TMEM178B: variants seen among roughly 807,000 people sequenced by gnomAD.
TMEM178B encodes the protein transmembrane protein 178B.
Under a neutral mutation model 31.0 loss-of-function variants are expected in TMEM178B, and 5 were observed. The ratio of observed to expected loss-of-function variants is 0.16; its 90% CI spans 0.08 to 0.34. The LOEUF is 0.34. Ranked by LOEUF, TMEM178B falls within the 10% of genes least tolerant of loss-of-function variation. The pLI, the probability that TMEM178B is intolerant of heterozygous loss-of-function variation, is 1.00. For missense variants in TMEM178B, 275 were observed against 400.3 expected, an observed-to-expected ratio of 0.69 and a Z score of 2.67; for synonymous variants, 164 against 164.0, an observed-to-expected ratio of 1.00 and a Z score of 0.00.
At chr7:141,166,276 C>T (rs1796259197) in intron 1 of TMEM178B, among the ~76,000 whole-genome samples, 1 of 152,174 alleles carries the variant, frequency 6.6e-6, no homozygotes, top group South Asian at 2.1e-4. Context: ...AGACTGCAAC[C>T]AGACAGGTGC....
downstream of TMEM178B, among the ~76,000 whole-genome samples, chr7:141,483,404 T>C (rs1471809932): frequency 2.0e-5 from 3 of 152,178 alleles, no homozygotes; most frequent in Non-Finnish European, 4.4e-5. Context: ...GTCTCCTTTC[T>C]CTCTGCTTCT....
the TMEM178B span, among the ~76,000 whole-genome samples, chr7:141,496,686 A>AAAAAAAC: frequency 1.3e-5 from 2 of 151,136 alleles, no homozygotes; most frequent in African/African-American, 4.9e-5. Context: ...AAAAAAAAAA[A>AAAAAAAC]AAAAAAACCT....
rs1179149135 is a variant in TMEM178B at position 141,074,757 on chromosome 7, C to T, written c.382+65C>T. On this transcript the variant is annotated intron_variant, in intron 1 of 3. Transcript: ENST00000565468. The surrounding 1 kb of genome is among the most constrained non-coding windows in gnomAD (Gnocchi z 5.1). ...GGCGCCTTTAGGCCCCGCAGCCCCTCGCGTCTCCTTCCCAGGCCACAGGCT... is the reference window on the plus strand; with the variant it reads ...GGCGCCTTTAGGCCCCGCAGCCCCTTGCGTCTCCTTCCCAGGCCACAGGCT... 5.9e-5 allele frequency: 84 copies of T among 1,435,350 alleles called. No homozygotes were observed. The highest frequency in any genetic ancestry group is 2.9e-4 in the Admixed American group (10 of 35,028). The allele number at this position is 1,435,350 out of a possible 1,614,324, so 88.9% of individuals were successfully genotyped here. A position where few individuals can be genotyped will look rare whatever the true frequency, so the allele number is the denominator to read the frequency against.
rs1802264879 is a variant in TMEM178B at position 141,472,523 on chromosome 7, T to C, written c.*1737T>C. ...CTCACAGTCATCTCAGTGAGCCTGC[T>C]GGTGCCCAGCAGCCCTGGGGAGGCC... On this transcript the variant is annotated 3_prime_UTR_variant, in exon 4 of 4. Coordinates refer to ENST00000565468, the MANE Select transcript of TMEM178B (RefSeq NM_001195278.2). 6.6e-6 allele frequency: 1 copy of C among 152,208 alleles called. No homozygotes were observed. Among genetic ancestry groups the C allele is most frequent in the Non-Finnish European group, 1.5e-5 (1 of 68,082 alleles). 9.4% of individuals were successfully genotyped at this position (152,208 alleles called of 1,614,324 possible). A position where few individuals can be genotyped will look rare whatever the true frequency, so the allele number is the denominator to read the frequency against.
At chr7:141,317,952 CATTTGTCTACCACCTA>C (rs1358499819) in intron 2 of TMEM178B, among the ~76,000 whole-genome samples, 2 of 152,134 alleles carry the variant, frequency 1.3e-5, no homozygotes, top group Non-Finnish European at 2.9e-5. Flanking sequence ...ATGCCAGAAG[CATTTGTCTACCACCTA>C]ATGTTTATTT....
intron 2 of TMEM178B, among the ~76,000 whole-genome samples, chr7:141,405,138 T>A (rs1362349173): frequency 1.3e-5 from 2 of 152,252 alleles, no homozygotes; most frequent in Admixed American, 1.3e-4. Flanking sequence ...CCTCTCCTAC[T>A]TGAACCACAG....
In TMEM178B at chr7:141,475,688, G is replaced by C. The variant is rs1208323337; in HGVS notation, c.*4902G>C. 6.6e-6 allele frequency: 1 copy of C among 152,184 alleles called. No individual in the cohort carries two copies. The highest frequency in any genetic ancestry group is 1.9e-4 in the East Asian group (1 of 5,182). The allele number at this position is 152,184 out of a possible 1,614,324, so 9.4% of individuals were successfully genotyped here. On this transcript the variant is annotated 3_prime_UTR_variant, in exon 4 of 4. Transcript: ENST00000565468. ...CTGAGCCCCCAGAGATAGCAAAGAG[G>C]CCTAAAAGTTTAATGCCAGACCTTA... is the stretch of plus-strand genomic sequence containing the variant.
At chr7:141,164,373 A>G (rs991665296) in intron 1 of TMEM178B, among the ~76,000 whole-genome samples, 3 of 152,136 alleles carry the variant, frequency 2.0e-5, no homozygotes, top group Admixed American at 6.5e-5. Context: ...CCTGACTTTT[A>G]TGGGTGCAAT....
intron 1 of TMEM178B, among the ~76,000 whole-genome samples, chr7:141,210,420 G>A (rs539850217): frequency 4.3e-4 from 65 of 152,182 alleles, no homozygotes; most frequent in African/African-American, 1.5e-3. Flanking sequence ...CCGAGATCGC[G>A]CCATTGCACT....
intron 1 of TMEM178B, among the ~76,000 whole-genome samples, chr7:141,190,501 A>G (rs1254823329): frequency 2.6e-5 from 4 of 151,328 alleles, no homozygotes; most frequent in African/African-American, 9.7e-5. Flanking sequence ...TATAGAGATG[A>G]AGGCTCTCTA....
intron 2 of TMEM178B, among the ~76,000 whole-genome samples, chr7:141,359,540 G>A (rs988897529): frequency 6.6e-6 from 1 of 152,104 alleles, no homozygotes; most frequent in African/African-American, 2.4e-5. Flanking sequence ...TTCTTACAAG[G>A]GTTACTGAAA....
chr7:141,423,805 G>GTTTTT, intron 2 of TMEM178B, among the ~76,000 whole-genome samples: 1 of 108,794 alleles, frequency 9.2e-6, no homozygotes, highest in Non-Finnish European at 1.8e-5. Context: ...TGACATTTGT[G>GTTTTT]TTTTTTTTTT....
intron 2 of TMEM178B, among the ~76,000 whole-genome samples, chr7:141,408,449 A>T (rs1800924591): frequency 6.6e-6 from 1 of 152,222 alleles, no homozygotes; most frequent in Admixed American, 6.5e-5. Context: ...TCATTTCAGC[A>T]GGTCTGGAGT....
At chr7:141,097,292 C>G (rs1794976177) in intron 1 of TMEM178B, among the ~76,000 whole-genome samples, 1 of 148,742 alleles carries the variant, frequency 6.7e-6, no homozygotes, top group African/African-American at 2.5e-5. Flanking sequence ...TGGCGTGAAC[C>G]CGGGAGGAGT....
At chr7:141,411,561 G>A (rs552297272) in intron 2 of TMEM178B, among the ~76,000 whole-genome samples, 95 of 152,232 alleles carry the variant, frequency 6.2e-4, no homozygotes, top group South Asian at 5.2e-3. Flanking sequence ...TTGACTCAAA[G>A]TCATTCTCTT....
intron 2 of TMEM178B, among the ~76,000 whole-genome samples, chr7:141,245,884 A>G (rs1327979708): frequency 6.6e-6 from 1 of 152,244 alleles, no homozygotes; most frequent in East Asian, 1.9e-4. Flanking sequence ...AGACAGATGT[A>G]AATCCACTTC....
intron 1 of TMEM178B, among the ~76,000 whole-genome samples, chr7:141,135,928 T>C (rs963192253): frequency 1.3e-5 from 2 of 151,952 alleles, no homozygotes; most frequent in Non-Finnish European, 2.9e-5. Flanking sequence ...GAGGTTTTTT[T>C]TGAAAAGATA....
At chr7:141,410,540 CCTT>C (rs1184678337) in intron 2 of TMEM178B, among the ~76,000 whole-genome samples, 4 of 143,450 alleles carry the variant, frequency 2.8e-5, no homozygotes, top group Non-Finnish European at 6.0e-5. Context: ...CTCTCTCTCT[CCTT>C]CCTTCTTTTC....
intron 2 of TMEM178B, among the ~76,000 whole-genome samples, chr7:141,370,154 G>A (rs1405980698): frequency 6.6e-6 from 1 of 152,108 alleles, no homozygotes; most frequent in Non-Finnish European, 1.5e-5. Context: ...AGAAGTCATA[G>A]CAGGGGTGGC....
Sources: gnomAD v4.1 joint callset for allele counts (sites outside exome capture counted in the v4.1 genomes callset) on GRCh38, gnomAD v4.1.1 for gene constraint, Gnocchi (gnomAD v3.1) non-coding constraint, MANE v1.5 for transcripts, NCBI Gene and HGNC (gene_info 2026-07-23, HGNC 2026-07-21) for gene names.